Variants in GRIP1 observed in about 807,000 individuals in gnomAD.
The protein encoded by GRIP1 is glutamate receptor-interacting protein 1.
GRIP1 carries 45 observed loss-of-function variants against 129.9 expected under a neutral mutation model. That is an observed-to-expected ratio of 0.35 (90% CI 0.27 to 0.44). The LOEUF (loss-of-function observed/expected upper bound fraction) is 0.44. Ranked by LOEUF, GRIP1 falls within the 20% of genes least tolerant of loss-of-function variation. The pLI is 1.00. For synonymous variants in GRIP1, 530 were observed against 520.8 expected (o/e 1.02, Z -0.24); for missense variants, 1,196 against 1,396.8 (o/e 0.86, Z 2.29).
At chr12:66,435,455 C>T (rs1460831198) in intron 13 of GRIP1, among the ~76,000 whole-genome samples, 2 of 152,206 alleles carry the variant, frequency 1.3e-5, no homozygotes, top group Non-Finnish European at 2.9e-5. Context: ...CCGTCCACCT[C>T]AGCCTCCTAA....
intron 22 of GRIP1, 117 bp downstream of exon 22, chr12:66,376,900 G>A (rs769330324): frequency 7.0e-5 from 56 of 799,512 alleles, no homozygotes; most frequent in Non-Finnish European, 1.1e-4. Context: ...AAGCTTGAGG[G>A]GTGGAGATGG....
At chr12:66,573,054 T>C (rs1404738794) in intron 2 of GRIP1, among the ~76,000 whole-genome samples, 1 of 152,062 alleles carries the variant, frequency 6.6e-6, no homozygotes, top group African/African-American at 2.4e-5. Flanking sequence ...TATGCACATA[T>C]AACATATGTA....
At chr12:67,022,898 C>G (rs2042889136) in intron 1 of GRIP1, among the ~76,000 whole-genome samples, 1 of 152,026 alleles carries the variant, frequency 6.6e-6, no homozygotes, top group African/African-American at 2.4e-5. Flanking sequence ...GTCTGTTGTT[C>G]CCATGTTTAT....
intron 1 of GRIP1, among the ~76,000 whole-genome samples, chr12:67,011,256 A>T (rs1448488289): frequency 6.6e-6 from 1 of 152,156 alleles, no homozygotes; most frequent in Non-Finnish European, 1.5e-5. Flanking sequence ...ATGACTGGTC[A>T]TCCCAGATTC....
chr12:66,452,207 A>T (rs961859385), intron 11 of GRIP1, among the ~76,000 whole-genome samples: 2 of 152,098 alleles, frequency 1.3e-5, no homozygotes, highest in African/African-American at 2.4e-5. Context: ...TTACAGGGAG[A>T]TGATGAGGTT....
chr12:66,967,425 C>T (rs12299813), intron 1 of GRIP1, among the ~76,000 whole-genome samples: 2,668 of 152,146 alleles, frequency 0.018, 87 homozygotes, highest in African/African-American at 0.061. Flanking sequence ...AATTATTTTA[C>T]GAAAATAAGC....
chr12:66,516,594 A>G (rs2060850626), intron 6 of GRIP1, among the ~76,000 whole-genome samples: 1 of 152,152 alleles, frequency 6.6e-6, no homozygotes, highest in Non-Finnish European at 1.5e-5. Flanking sequence ...TAATTTGGTA[A>G]TACAAGTATG....
At chr12:66,895,193 T>C (rs368223823) in intron 1 of GRIP1, among the ~76,000 whole-genome samples, 4 of 152,180 alleles carry the variant, frequency 2.6e-5, no homozygotes, top group Non-Finnish European at 4.4e-5. Context: ...TCATCTTGAA[T>C]TGTAGCTCCT....
intron 1 of GRIP1, among the ~76,000 whole-genome samples, chr12:66,782,674 T>C (rs1182327593): frequency 6.6e-6 from 1 of 152,158 alleles, no homozygotes; most frequent in African/African-American, 2.4e-5. Context: ...ATTGCATAGG[T>C]AGTTAGTGAC....
intron 1 of GRIP1, among the ~76,000 whole-genome samples, chr12:66,619,157 T>C (rs2065163643): frequency 1.3e-5 from 2 of 152,060 alleles, no homozygotes; most frequent in Non-Finnish European, 2.9e-5. Flanking sequence ...CTAGAACATA[T>C]ACATTAAAGT....
intron 1 of GRIP1, among the ~76,000 whole-genome samples, chr12:66,878,434 G>A (rs1297323541): frequency 6.6e-6 from 1 of 152,002 alleles, no homozygotes; most frequent in Non-Finnish European, 1.5e-5. Context: ...GGTACTCCAG[G>A]AAGAAGAAAT....
rs1485418415 is a variant in GRIP1 at position 66,810,329 on chromosome 12, G to A, written c.59-213402C>T. 5.9e-5 allele frequency among the ~76,000 whole-genome samples: 9 copies of A among 152,124 alleles called. No homozygotes were observed. The South Asian group carries it at 6.2e-4, about 11-fold the overall frequency. On this transcript the variant is annotated intron_variant, in intron 1 of 1. Transcript: ENST00000643019. ...TGCCAGCACTTTGGGAGGCCAAGGCGGGTGGATCACCTGAGTTCAGGAGTT... is the reference window on the plus strand; with the variant it reads ...TGCCAGCACTTTGGGAGGCCAAGGCAGGTGGATCACCTGAGTTCAGGAGTT...
At chr12:66,622,294 G>A (rs2065303613) in intron 1 of GRIP1, among the ~76,000 whole-genome samples, 2 of 152,058 alleles carry the variant, frequency 1.3e-5, no homozygotes, top group Non-Finnish European at 2.9e-5. Context: ...GGGAGAGGAA[G>A]TGGGGATGGG....
Position 66,377,056 on chromosome 12 carries a change from T to C in GRIP1, c.2739A>G (p.Lys913=), listed in dbSNP as rs2055818509. The change falls in exon 22 of 25, where the codon AAA becomes AAG. Residue 913 remains lysine (K), a synonymous_variant. Coordinates refer to ENST00000359742, the MANE Select transcript of GRIP1 (RefSeq NM_001366722.1). ...QSGILRELEE[K]ADRRVSLRNM... is the part of the protein sequence containing the mutation. Reference sequence around the variant, plus strand: ...TTCTCAAAGACACACGCCTGTCAGCTTTCTCCTGTGGAAAGGGTTAAAGCT... The same window carrying C: ...TTCTCAAAGACACACGCCTGTCAGCCTTCTCCTGTGGAAAGGGTTAAAGCT... The C allele has an allele frequency of 6.2e-7, 1 of 1,612,138 alleles. No homozygotes were observed. The highest frequency in any genetic ancestry group is 1.7e-5 in the Admixed American group (1 of 60,000).
At chr12:66,546,612 C>T (rs1231376169) in intron 2 of GRIP1, among the ~76,000 whole-genome samples, 1 of 152,072 alleles carries the variant, frequency 6.6e-6, no homozygotes, top group Non-Finnish European at 1.5e-5. Flanking sequence ...TGACAAGATG[C>T]AAATGCAATT....
chr12:66,483,589 G>C (rs2059867455), intron 7 of GRIP1, among the ~76,000 whole-genome samples: 1 of 152,094 alleles, frequency 6.6e-6, no homozygotes, highest in Admixed American at 6.6e-5. Context: ...CCTGGTAATT[G>C]CATTAATTTT....
At chr12:67,012,410 T>C (rs1009875422) in intron 1 of GRIP1, among the ~76,000 whole-genome samples, 2 of 152,148 alleles carry the variant, frequency 1.3e-5, no homozygotes, top group Admixed American at 6.6e-5. Flanking sequence ...AGATCCATCT[T>C]CCAGGAGTGT....
intron 19 of GRIP1, among the ~76,000 whole-genome samples, chr12:66,382,642 A>C (rs943203517): frequency 2.6e-5 from 4 of 152,218 alleles, no homozygotes; most frequent in Admixed American, 1.3e-4. Flanking sequence ...TTATCTTTAA[A>C]GTAGGGAGAC....
chr12:66,514,970 A>G (rs2060801386), intron 7 of GRIP1, among the ~76,000 whole-genome samples: 1 of 152,136 alleles, frequency 6.6e-6, no homozygotes, highest in Admixed American at 6.6e-5. Flanking sequence ...GCCTTAGTCA[A>G]CATTACACAA....
Sources: allele counts gnomAD v4.1 joint callset (sites outside exome capture counted in the v4.1 genomes callset), GRCh38; gene constraint gnomAD v4.1.1; transcripts MANE v1.5; gene names NCBI Gene and HGNC (gene_info 2026-07-23, HGNC 2026-07-21).